LRP8: variants seen among roughly 807,000 people sequenced by gnomAD.
LRP8 encodes LDL receptor related protein 8, also known as low-density lipoprotein receptor-related protein 8.
A neutral mutation model predicts 111.6 loss-of-function variants in LRP8; 46 were observed. The ratio of observed to expected loss-of-function variants is 0.41; its 90% CI spans 0.33 to 0.53. The LOEUF is 0.53. Ranked by LOEUF, LRP8 falls within the 20% of genes least tolerant of loss-of-function variation. LRP8 has a pLI of 0.20. For synonymous variants in LRP8, 464 were observed against 511.2 expected, an observed-to-expected ratio of 0.91 and a Z score of 1.24; for missense variants, 959 against 1,297.4, an observed-to-expected ratio of 0.74 and a Z score of 4.01.
At chr1:53,286,933 C>T (rs546336909) in intron 3 of LRP8, among the ~76,000 whole-genome samples, 3 of 152,394 alleles carry the variant, frequency 2.0e-5, no homozygotes, top group African/African-American at 7.2e-5. Flanking sequence ...CACAATCCCT[C>T]TAAGGCAGGT....
At chr1:53,295,367 G>C (rs1369514429) in intron 2 of LRP8, among the ~76,000 whole-genome samples, 1 of 152,148 alleles carries the variant, frequency 6.6e-6, no homozygotes, top group Admixed American at 6.5e-5. Context: ...GCTCCACCAG[G>C]CCAGGGAACA....
At chr1:53,305,905 G>A (rs564624877) in intron 2 of LRP8, 12 of 152,464 alleles carry the variant, frequency 7.9e-5, no homozygotes, top group East Asian at 1.9e-4. Context: ...CAGGGTGAAC[G>A]GTGAGCCTGC....
Position 53,243,714 on chromosome 1 carries a change from G to A in LRP8, c.*3304C>T, listed in dbSNP as rs1266747446. 1 of 152,178 alleles carries A rather than the reference G, an allele frequency of 6.6e-6. No individual in the cohort carries two copies. Among genetic ancestry groups the A allele is most frequent in the African/African-American group, 2.4e-5 (1 of 41,418 alleles). 9.4% of individuals were successfully genotyped at this position (152,178 alleles called of 1,614,324 possible). A position where few individuals can be genotyped will look rare whatever the true frequency, so the allele number is the denominator to read the frequency against. ...TCATACCTCTGTGTTTTAGCTCGAT[G>A]TGTCTCTGTCTGAAGCAGCTTGGAA... On this transcript the variant is annotated 3_prime_UTR_variant, in exon 19 of 19. Coordinates refer to ENST00000306052, the MANE Select transcript of LRP8 (RefSeq NM_004631.5).
At chr1:53,322,356 G>T (rs957896328) in intron 2 of LRP8, among the ~76,000 whole-genome samples, 2 of 152,148 alleles carry the variant, frequency 1.3e-5, no homozygotes, top group Non-Finnish European at 2.9e-5. Context: ...GTCAGGGAAG[G>T]CTTCCTAGAG....
intron 3 of LRP8, among the ~76,000 whole-genome samples, chr1:53,283,355 C>T (rs1238519750): frequency 6.6e-5 from 10 of 152,016 alleles, no homozygotes; most frequent in South Asian, 4.1e-4. Flanking sequence ...GCAGGCCTTG[C>T]GGGCTGCCAG....
chr1:53,280,851 A>G, intron 3 of LRP8, 136 bp from the exon 4 acceptor site: 1 of 1,081,326 alleles, frequency 9.2e-7, no homozygotes, highest in Non-Finnish European at 1.3e-6. Context: ...CCCATGTCTC[A>G]GTTTCATCAG....
chr1:53,289,497 C>G, intron 3 of LRP8, 70 bp downstream of exon 3: 2 of 1,530,106 alleles, frequency 1.3e-6, no homozygotes, highest in Non-Finnish European at 1.8e-6. Flanking sequence ...CTGAGCCTCA[C>G]AGCCTCTCAA....
intron 2 of LRP8, among the ~76,000 whole-genome samples, chr1:53,325,181 T>TCAA (rs771514093): frequency 3.3e-4 from 50 of 152,274 alleles, no homozygotes; most frequent in Non-Finnish European, 6.0e-4. Context: ...TTTCATAACC[T>TCAA]CAACAGCACT....
At chr1:53,289,452 G>A in intron 3 of LRP8, 115 bp downstream of exon 3, 2 of 1,393,504 alleles carry the variant, frequency 1.4e-6, no homozygotes, top group Non-Finnish European at 1.9e-6. Flanking sequence ...AGCGCCCTGA[G>A]TGCGTGGCAC....
intron 9 of LRP8, 59 bp from the exon 10 acceptor site, chr1:53,264,455 G>T (rs540127519): frequency 7.4e-7 from 1 of 1,358,350 alleles, no homozygotes; most frequent in Admixed American, 1.9e-5. Flanking sequence ...CCCATCTGGA[G>T]CTACCTGTGC....
intron 13 of LRP8, 52 bp downstream of exon 13, chr1:53,260,412 G>A (rs1646285628): frequency 6.3e-7 from 1 of 1,586,722 alleles, no homozygotes; most frequent in African/African-American, 1.3e-5. Context: ...GAAAGGAGAG[G>A]ACACAGTGAC....
At chr1:53,301,861 T>G (rs759163753) in intron 2 of LRP8, among the ~76,000 whole-genome samples, 2 of 152,098 alleles carry the variant, frequency 1.3e-5, no homozygotes, top group Non-Finnish European at 2.9e-5. Flanking sequence ...TCAGAGAGTC[T>G]ATAGCCAAAC....
chr1:53,276,923 C>T lies in LRP8; in HGVS notation c.652G>A (p.Gly218Ser). Residue 218 changes from glycine to serine, a missense_variant, in exon 5 of 19, where the codon GGC becomes AGC. Coordinates refer to ENST00000306052, the MANE Select transcript of LRP8 (RefSeq NM_004631.5). Reference protein sequence around the residue: ...PREFRCGGDGGGACIPERWVC... With the variant: ...PREFRCGGDGSGACIPERWVC... ...CAGCGCTCCGGGATGCAGGCGCCGCCGCCATCGCCGCCGCAGCGGAACTCG... is the reference window on the plus strand; with the variant it reads ...CAGCGCTCCGGGATGCAGGCGCCGCTGCCATCGCCGCCGCAGCGGAACTCG... 14 of 1,441,760 alleles carry T rather than the reference C, an allele frequency of 9.7e-6. No homozygotes were observed. The highest frequency in any genetic ancestry group is 1.3e-5 in the Non-Finnish European group (14 of 1,100,148). 89.3% of individuals were successfully genotyped at this position (1,441,760 alleles called of 1,614,324 possible).
rs138199303 is a variant in LRP8, at chr1:53,318,082, C to T, written c.244+8791G>A. Among the ~76,000 whole-genome samples the T allele has an allele frequency of 3.7e-3, 560 of 152,304 alleles. 2 individuals are homozygous for T. Among genetic ancestry groups the T allele is most frequent in the South Asian group, 9.5e-3 (46 of 4,828 alleles). On this transcript the variant is annotated intron_variant, in intron 2 of 18. Transcript: ENST00000306052. The stretch of plus-strand genomic sequence containing the variant: ...GGGGCAGTGCAGGTGGAATAAGGAC[C>T]AATGAGTGAAAGGAAAATGAAGTTC...
intron 2 of LRP8, among the ~76,000 whole-genome samples, chr1:53,291,242 C>A (rs946539428): frequency 1.3e-5 from 2 of 152,082 alleles, no homozygotes; most frequent in African/African-American, 4.8e-5. Context: ...CTCTTTTCAG[C>A]CTAAAAGAGG....
At chr1:53,306,189 C>T (rs1288491) in intron 2 of LRP8, 61,176 of 152,198 alleles carry the variant, frequency 0.4, 12,716 homozygotes, top group East Asian at 0.67. Context: ...GCATCGCATG[C>T]AGGCAATCTG....
chr1:53,326,838 C>T (rs1368066044), intron 2 of LRP8, 35 bp downstream of exon 2: 2 of 1,600,534 alleles, frequency 1.2e-6, no homozygotes, highest in Non-Finnish European at 8.5e-7. Flanking sequence ...TTCCTTTTCT[C>T]TCCCCGGGTC....
intron 16 of LRP8, among the ~76,000 whole-genome samples, chr1:53,253,003 C>G (rs1331739564): frequency 3.3e-5 from 5 of 151,958 alleles, no homozygotes; most frequent in Admixed American, 3.3e-4. Flanking sequence ...AGATGACGTG[C>G]AAGTCAGGAG....
intron 2 of LRP8, among the ~76,000 whole-genome samples, chr1:53,314,191 T>TG (rs568199269): frequency 6.8e-4 from 103 of 152,322 alleles, no homozygotes; most frequent in Admixed American, 2.9e-3. Context: ...CCACAGTCAT[T>TG]GCAGGATCTG....
Sources: gnomAD v4.1 joint callset for allele counts (sites outside exome capture counted in the v4.1 genomes callset) on GRCh38, gnomAD v4.1.1 for gene constraint, MANE v1.5 for transcripts, NCBI Gene and HGNC (gene_info 2026-07-23, HGNC 2026-07-21) for gene names.